AASDH: variants seen among roughly 807,000 people sequenced by gnomAD.
The protein encoded by AASDH is aminoadipate-semialdehyde dehydrogenase.
In AASDH, 81 loss-of-function variants were observed where a neutral mutation model predicts 102.3. That is an observed-to-expected ratio of 0.79 (90% CI 0.66 to 0.95). The LOEUF is 0.95. Among genes scored for constraint, AASDH ranks in the 40% least tolerant of loss-of-function variants. The pLI, the probability that AASDH is intolerant of heterozygous loss-of-function variation, is 0.00. For synonymous variants in AASDH, 398 were observed against 454.0 expected (o/e 0.88, Z 1.57); for missense variants, 1,203 against 1,266.2 (o/e 0.95, Z 0.76).
intron 5 of AASDH, among the ~76,000 whole-genome samples, chr4:56,368,613 G>A (rs1009803319): frequency 2.0e-5 from 3 of 150,232 alleles, no homozygotes. Context: ...GCAAACTATT[G>A]CAAGGACAAA....
chr4:56,370,681 T>C (rs939622820), intron 5 of AASDH, among the ~76,000 whole-genome samples: 3 of 152,196 alleles, frequency 2.0e-5, no homozygotes, highest in Admixed American at 6.5e-5. Flanking sequence ...TAAATGTCTG[T>C]TGTTTATAAG....
At position 56,354,092 on chromosome 4, in the gene AASDH, C is replaced by T; in HGVS notation, c.1330G>A (p.Asp444Asn). The change falls in exon 8 of 15, where the codon GAC becomes AAC. Residue 444 changes from aspartate (D) to asparagine (N), a missense_variant. Physicochemically the swap from Asp to Asn is conservative, Grantham distance 23 (BLOSUM62 1). Transcript: ENST00000205214. ...DGEIFFLGRK[D>N]SQIKRHGKRL... ...TTGCCATGACGTTTGATCTGACTGT[C>T]TTTTCGTCCCAAAAAAAAAATCTCT... The T allele has an allele frequency of 2.5e-6, 4 of 1,613,308 alleles. No individual in the cohort carries two copies. The highest frequency in any genetic ancestry group is 3.4e-6 in the Non-Finnish European group (4 of 1,179,566).
Position 56,382,482 on chromosome 4 carries a change from T to C in AASDH, c.346A>G (p.Ile116Val). The stretch of plus-strand genomic sequence containing the variant: ...ATTGAAACATCCAGACTTACATTAA[T>C]TTGTTTTTTTTCAACAAGGATATAC... ...LKYILVEKKQINKFKSFHETL... is the reference protein window; with the variant it reads ...LKYILVEKKQVNKFKSFHETL... The change falls in exon 3 of 15, where the codon ATT (isoleucine) becomes GTT (valine). Residue 116 changes from isoleucine (I) to valine (V), a missense_variant. Transcript: ENST00000205214. The C allele has an allele frequency of 6.4e-7, 1 of 1,564,050 alleles. No individual in the cohort carries two copies. The highest frequency in any genetic ancestry group is 8.8e-7 in the Non-Finnish European group (1 of 1,140,144).
intron 11 of AASDH, among the ~76,000 whole-genome samples, chr4:56,348,525 T>C (rs1748592028): frequency 6.6e-6 from 1 of 152,116 alleles, no homozygotes; most frequent in African/African-American, 2.4e-5. Flanking sequence ...AAAGTGCTGA[T>C]ATTACAGCTG....
At chr4:56,345,518 T>C (rs2109857305) in intron 11 of AASDH, among the ~76,000 whole-genome samples, 1 of 152,324 alleles carries the variant, frequency 6.6e-6, no homozygotes, top group East Asian at 1.9e-4. Context: ...ACTTCACTAA[T>C]TTTTTTACAT....
At chr4:56,359,659 A>G (rs1199739843) in intron 5 of AASDH, among the ~76,000 whole-genome samples, 1 of 151,178 alleles carries the variant, frequency 6.6e-6, no homozygotes, top group Non-Finnish European at 1.5e-5. Flanking sequence ...CCCAGGTTCA[A>G]GCGATTCTCC....
chr4:56,338,640 A>C lies in AASDH; in HGVS notation c.3059T>G (p.Val1020Gly). Residue 1020 changes from valine (V) to glycine (G), a missense_variant, in exon 15 of 15, where the codon GTC (valine) becomes GGC (glycine). Val to Gly is a moderately radical substitution (Grantham distance 109, BLOSUM62 -3). Transcript: ENST00000205214. ...ATGGAAAGCAAACGGTGTTGCATAG[A>C]CCCTTGAAGTAGTTTCAAATTTCCA... ...LQWKFETTSR[V>G]YATPFAFHNY... 1 of 1,614,178 alleles carries C rather than the reference A, an allele frequency of 6.2e-7. No individual in the cohort carries two copies. The highest frequency in any genetic ancestry group is 8.5e-7 in the Non-Finnish European group (1 of 1,180,028).
At position 56,371,476 on chromosome 4, in the gene AASDH, GAA is replaced by G. The variant is rs1457316366; in HGVS notation, c.834_835del (p.Ser279ProfsTer3). ...CTGCAAAACAGTCACTCTATGATGG[GAA>G]AAGAGAACGCTGGCTAATTTTGATG... On this transcript the variant is annotated frameshift_variant, in exon 5 of 15. Transcript: ENST00000205214. LOFTEE classifies it high-confidence loss of function. 6.2e-7 allele frequency: 1 copy of G among 1,612,360 alleles called. No individual in the cohort carries two copies. Among genetic ancestry groups the G allele is most frequent in the Non-Finnish European group, 8.5e-7 (1 of 1,179,682 alleles).
chr4:56,363,102 A>T (rs1002569197), intron 5 of AASDH, among the ~76,000 whole-genome samples: 3 of 152,238 alleles, frequency 2.0e-5, no homozygotes, highest in African/African-American at 7.2e-5. Flanking sequence ...GGAGGGTCCT[A>T]TGCCCACGGA....
chr4:56,354,758 AC>A lies in AASDH; in HGVS notation c.1156del (p.Val386SerfsTer18). ...GFPLLGTVVE[V>X]RDTNGFTIQE... Reference sequence around the variant, plus strand: ...AATTGTGAAGCCATTAGTATCTCTGACTTCAACTACTGTTCCAAGAAGTGGA... The same window carrying A: ...AATTGTGAAGCCATTAGTATCTCTGATTCAACTACTGTTCCAAGAAGTGGA... On this transcript the variant is annotated frameshift_variant, in exon 7 of 15. Coordinates refer to ENST00000205214, the MANE Select transcript of AASDH (RefSeq NM_181806.4). LOFTEE classifies it high-confidence loss of function. 1 of 1,611,886 alleles carries A rather than the reference AC, an allele frequency of 6.2e-7. No homozygotes were observed. Among genetic ancestry groups the A allele is most frequent in the Non-Finnish European group, 8.5e-7 (1 of 1,179,062 alleles).
rs1414590163 is a variant in AASDH, at chr4:56,359,307, C to T, written c.862-3884G>A. 7.3e-5 allele frequency among the ~76,000 whole-genome samples: 11 copies of T among 150,506 alleles called. No individual in the cohort carries two copies. The East Asian group carries it at 7.8e-4, about 11-fold the overall frequency. On this transcript the variant is annotated intron_variant, in intron 5 of 14. Coordinates refer to ENST00000205214, the MANE Select transcript of AASDH (RefSeq NM_181806.4). ...AGGCTGAAGTGCAGTGGCGCAATCT[C>T]GGCTCACCACAACATCCGCCTCCTG...
intron 5 of AASDH, among the ~76,000 whole-genome samples, chr4:56,359,112 G>GT (rs35128813): frequency 0.46 from 67,561 of 145,812 alleles, 15,582 homozygotes; most frequent in Non-Finnish European, 0.49. Context: ...GTTGTTTTTG[G>GT]TTTTTTTTTT....
intron 12 of AASDH, 117 bp from the exon 13 acceptor site, chr4:56,343,801 G>A (rs2109850378): frequency 1.0e-6 from 1 of 991,554 alleles, no homozygotes; most frequent in Non-Finnish European, 1.4e-6. Context: ...TTAGTATAAA[G>A]TACATGCCTA....
At position 56,384,702 on chromosome 4, in the gene AASDH, A is replaced by AT. The variant is rs56124735; in HGVS notation, c.-42-362dup. The stretch of plus-strand genomic sequence containing the variant: ...TCAAATTTAAAGGACCCCACACTTA[A>AT]TTTTTTTTTACTTTCCTTCAGTAAC... On this transcript the variant is annotated intron_variant, in intron 1 of 14. Coordinates refer to ENST00000205214, the MANE Select transcript of AASDH (RefSeq NM_181806.4). Among the ~76,000 whole-genome samples the AT allele has an allele frequency of 4.6e-4, 70 of 151,942 alleles. 1 individual carries two copies. The South Asian group carries it at 0.011, about 23-fold the overall frequency.
intron 4 of AASDH, among the ~76,000 whole-genome samples, chr4:56,376,565 T>C (rs1444013444): frequency 6.6e-6 from 1 of 152,150 alleles, no homozygotes; most frequent in Non-Finnish European, 1.5e-5. Flanking sequence ...ATTTCTTCTT[T>C]CCAGGCCTGC....
At chr4:56,386,378 C>T (rs1203699069) in intron 1 of AASDH, among the ~76,000 whole-genome samples, 1 of 152,202 alleles carries the variant, frequency 6.6e-6, no homozygotes, top group Non-Finnish European at 1.5e-5. Context: ...TTGCTACAGA[C>T]ATTTAAGGTA....
At chr4:56,384,423 A>G (rs895219634) in intron 1 of AASDH, 82 bp from the exon 2 acceptor site, 2 of 634,868 alleles carry the variant, frequency 3.2e-6, no homozygotes, top group South Asian at 4.2e-5. Flanking sequence ...CTCTACAATA[A>G]TATCTCACAA....
intron 3 of AASDH, among the ~76,000 whole-genome samples, chr4:56,378,721 A>G (rs1752632033): frequency 6.6e-6 from 1 of 151,792 alleles, no homozygotes; most frequent in South Asian, 2.1e-4. Flanking sequence ...AAACTATGCT[A>G]ATTAATGCTA....
intron 12 of AASDH, 121 bp downstream of exon 12, chr4:56,345,006 A>G (rs1748156796): frequency 6.1e-6 from 6 of 988,076 alleles, no homozygotes; most frequent in Non-Finnish European, 5.9e-6. Flanking sequence ...CACTGTCACA[A>G]TCTTGGCTCA....
Sources: gnomAD v4.1 joint callset for allele counts (sites outside exome capture counted in the v4.1 genomes callset) on GRCh38, gnomAD v4.1.1 for gene constraint, MANE v1.5 for transcripts, NCBI Gene and HGNC (gene_info 2026-07-23, HGNC 2026-07-21) for gene names.